MYH15: variants seen among roughly 807,000 people sequenced by gnomAD.
MYH15 encodes myosin-15.
MYH15 carries 227 observed loss-of-function variants against 240.5 expected under a neutral mutation model. That is an observed-to-expected ratio of 0.94 (90% CI 0.85 to 1.05). MYH15 has a LOEUF of 1.05. Among genes scored for constraint, MYH15 ranks in the 50% least tolerant of loss-of-function variants. MYH15 has a pLI of 0.00. For synonymous variants in MYH15, 785 were observed against 796.7 expected (o/e 0.99, Z 0.25); for missense variants, 2,217 against 2,247.5 (o/e 0.99, Z 0.27).
chr3:108,448,768 A>G (rs2082949462), intron 21 of MYH15, among the ~76,000 whole-genome samples: 1 of 151,966 alleles, frequency 6.6e-6, no homozygotes, highest in African/African-American at 2.4e-5. Context: ...TTTTTTCAAT[A>G]TAGTACTGAA....
intron 28 of MYH15, among the ~76,000 whole-genome samples, chr3:108,417,238 T>G (rs2082641728): frequency 6.6e-6 from 1 of 152,208 alleles, no homozygotes; most frequent in Admixed American, 6.5e-5. Flanking sequence ...TAGTTTAATT[T>G]TCATAACTCC....
chr3:108,493,776 G>A (rs2083371417), intron 7 of MYH15, among the ~76,000 whole-genome samples: 2 of 152,216 alleles, frequency 1.3e-5, no homozygotes, highest in South Asian at 4.1e-4. Flanking sequence ...CGAAGAGGTA[G>A]ACAAACTCCA....
intron 33 of MYH15, among the ~76,000 whole-genome samples, chr3:108,402,497 C>T (rs2082513379): frequency 6.6e-6 from 1 of 152,222 alleles, no homozygotes. Flanking sequence ...CCTACAACTA[C>T]AGTGTTAAGT....
At chr3:108,505,852 AAT>A (rs1491438142) in intron 1 of MYH15, 23 bp from the exon 2 acceptor site, 2 of 1,376,574 alleles carry the variant, frequency 1.5e-6, no homozygotes, top group Non-Finnish European at 2.1e-6. Context: ...AAAAAAAAAA[AAT>A]GGATTATAGC....
chr3:108,399,187 A>G lies in MYH15; in HGVS notation c.4817T>C (p.Leu1606Pro). ...GAGGTCCTCTTCCATCTTCTTCTTC[A>G]GCCGGGTAACCTCAATTCTGCTCTT... is the stretch of plus-strand genomic sequence containing the variant. ...EAKSRIEVTR[L>P]KKKMEEDLNE... is the part of the protein sequence containing the mutation. Residue 1606 changes from leucine to proline, a missense_variant, in exon 34 of 41, where the codon CTG (leucine) becomes CCG (proline). Leu to Pro is a moderately conservative substitution (Grantham distance 98). Coordinates refer to ENST00000693548, the MANE Select transcript of MYH15 (RefSeq NM_014981.3). 1 of 1,614,174 alleles carries G rather than the reference A, an allele frequency of 6.2e-7. No homozygotes were observed. The highest frequency in any genetic ancestry group is 8.5e-7 in the Non-Finnish European group (1 of 1,180,026).
intron 9 of MYH15, among the ~76,000 whole-genome samples, chr3:108,491,006 G>A (rs1351375140): frequency 6.6e-6 from 1 of 151,966 alleles, no homozygotes; most frequent in East Asian, 1.9e-4. Flanking sequence ...TCCTGCCTCA[G>A]TCTCCTGAGT....
intron 36 of MYH15, among the ~76,000 whole-genome samples, chr3:108,393,411 C>T (rs1240753359): frequency 6.6e-6 from 1 of 152,236 alleles, no homozygotes; most frequent in Non-Finnish European, 1.5e-5. Context: ...GAGAGAAGTG[C>T]TGCATCTGCC....
intron 12 of MYH15, 24 bp from the exon 13 acceptor site, chr3:108,470,871 C>A: frequency 1.2e-6 from 2 of 1,610,956 alleles, no homozygotes; most frequent in Non-Finnish European, 1.7e-6. Flanking sequence ...TGAAAACACT[C>A]CTTCATCTGA....
At chr3:108,393,998 A>G in intron 36 of MYH15, 33 bp downstream of exon 36, 1 of 1,612,696 alleles carries the variant, frequency 6.2e-7, no homozygotes, top group Non-Finnish European at 8.5e-7. Context: ...GAACTCTGGG[A>G]GACAGGATTG....
intron 14 of MYH15, among the ~76,000 whole-genome samples, chr3:108,465,190 G>C (rs2083104383): frequency 1.3e-5 from 2 of 152,192 alleles, no homozygotes; most frequent in Non-Finnish European, 2.9e-5. Context: ...ATGACAGGGG[G>C]TAAGGAGGTT....
In MYH15 at chr3:108,428,487, T is replaced by C; in HGVS notation, c.3702+5A>G. On this transcript the variant is annotated splice_donor_5th_base_variant and intron_variant, in intron 27 of 40. Coordinates refer to ENST00000693548, the MANE Select transcript of MYH15 (RefSeq NM_014981.3). ...AGACCACGAGGATGGCATGGGAGTA[T>C]CTACCTTAGCTCTTGTCATCTGCTC... 1 of 1,601,926 alleles carries C rather than the reference T, an allele frequency of 6.2e-7. No homozygotes were observed. Among genetic ancestry groups the C allele is most frequent in the Non-Finnish European group, 8.5e-7 (1 of 1,171,856 alleles).
intron 17 of MYH15, 110 bp downstream of exon 17, chr3:108,460,190 G>C: frequency 1.0e-6 from 1 of 966,008 alleles, no homozygotes. Context: ...TTTCCAACTT[G>C]CTAGCTCCTG....
chr3:108,385,069 G>T (rs944422356), intron 38 of MYH15, among the ~76,000 whole-genome samples: 1 of 152,110 alleles, frequency 6.6e-6, no homozygotes, highest in Non-Finnish European at 1.5e-5. Flanking sequence ...AGCTATATCT[G>T]CCTGAAGCTA....
At position 108,444,551 on chromosome 3, in the gene MYH15, AT is replaced by A. The variant is rs573877846; in HGVS notation, c.2655+88del. On this transcript the variant is annotated intron_variant, in intron 22 of 40. Transcript: ENST00000693548. The stretch of plus-strand genomic sequence containing the variant: ...TGGTATTTGAAAACCACATGCATCT[AT>A]TTTTTTGTTTCCGTGTCAACACTGC... 3.5e-6 allele frequency: 5 copies of A among 1,443,148 alleles called. No individual in the cohort carries two copies. In the African/African-American group the frequency reaches 4.3e-5, roughly 12 times the overall value. 89.4% of individuals were successfully genotyped at this position (1,443,148 alleles called of 1,614,324 possible). A position where few individuals can be genotyped will look rare whatever the true frequency, so the allele number is the denominator to read the frequency against.
chr3:108,546,618 AT>A, the MYH15 span, among the ~76,000 whole-genome samples: 3 of 152,172 alleles, frequency 2.0e-5, no homozygotes, highest in East Asian at 3.9e-4. Flanking sequence ...TATCGAGAGA[AT>A]ATAGATACTG....
Position 108,388,529 on chromosome 3 carries a change from G to A in MYH15, c.5535+441C>T, listed in dbSNP as rs527630493. On this transcript the variant is annotated intron_variant, in intron 38 of 40. Transcript: ENST00000693548. ...GTCCTCAGTGGCCTTGAGTGTTTGC[G>A]CAACCAGAAAATAGGAGTGGAAATG... 5.1e-4 allele frequency among the ~76,000 whole-genome samples: 78 copies of A among 152,114 alleles called. No individual in the cohort carries two copies. The South Asian group carries it at 0.014, about 26-fold the overall frequency.
intron 1 of MYH15, 49 bp from the exon 2 acceptor site, chr3:108,505,878 G>A (rs769456752): frequency 1.5e-5 from 18 of 1,233,052 alleles, no homozygotes; most frequent in Non-Finnish European, 2.0e-5. Flanking sequence ...AGTACTTACA[G>A]AAATACATAC....
chr3:108,507,640 C>T (rs979561171), intron 1 of MYH15, among the ~76,000 whole-genome samples: 2 of 152,154 alleles, frequency 1.3e-5, no homozygotes, highest in East Asian at 1.9e-4. Context: ...TGGTTGCTCA[C>T]GACTTTCTTG....
intron 30 of MYH15, 48 bp from the exon 31 acceptor site, chr3:108,410,980 A>G (rs1424075079): frequency 1.4e-6 from 2 of 1,457,980 alleles, no homozygotes; most frequent in Non-Finnish European, 1.9e-6. Context: ...TAACTCTCAG[A>G]GAGCTCATCA....
Sources: allele counts gnomAD v4.1 joint callset (sites outside exome capture counted in the v4.1 genomes callset), GRCh38; gene constraint gnomAD v4.1.1; transcripts MANE v1.5; gene names NCBI Gene and HGNC (gene_info 2026-07-23, HGNC 2026-07-21).